Variants in LRP1B observed in about 807,000 individuals in gnomAD.
LRP1B encodes low-density lipoprotein receptor-related protein 1B.
In LRP1B, 217 loss-of-function variants were observed where a neutral mutation model predicts 556.6. The ratio of observed to expected loss-of-function variants is 0.39; its 90% CI spans 0.35 to 0.44. The LOEUF (loss-of-function observed/expected upper bound fraction) is 0.44. Among genes scored for constraint, LRP1B ranks in the 20% least tolerant of loss-of-function variants. LRP1B has a pLI of 1.00. For missense variants in LRP1B, 5,053 were observed against 5,620.8 expected (o/e 0.90, Z 3.23); for synonymous variants, 2,047 against 1,865.8 (o/e 1.10, Z -2.50).
intron 87 of LRP1B, among the ~76,000 whole-genome samples, chr2:140,245,607 C>G (rs1681119105): frequency 6.6e-6 from 1 of 151,246 alleles, no homozygotes; most frequent in African/African-American, 2.4e-5. Flanking sequence ...TTTATTAATG[C>G]TTTTAACGAT....
chr2:140,651,358 G>A (rs1421025001), intron 41 of LRP1B, among the ~76,000 whole-genome samples: 1 of 103,582 alleles, frequency 9.7e-6, no homozygotes, highest in Non-Finnish European at 1.9e-5. Context: ...GTTGTGGGGT[G>A]GGGGGAGGGG....
intron 31 of LRP1B, among the ~76,000 whole-genome samples, chr2:140,831,750 GA>G (rs1691724753): frequency 6.6e-6 from 1 of 152,050 alleles, no homozygotes; most frequent in Non-Finnish European, 1.5e-5. Context: ...CAGAATGGAA[GA>G]AAATATTTAC....
intron 84 of LRP1B, among the ~76,000 whole-genome samples, chr2:140,293,622 T>A (rs970914517): frequency 6.6e-6 from 1 of 152,188 alleles, no homozygotes; most frequent in Non-Finnish European, 1.5e-5. Flanking sequence ...GAGAGAAGAT[T>A]TTGTATATGC....
chr2:141,442,887 C>CAT (rs1276706611), intron 3 of LRP1B, among the ~76,000 whole-genome samples: 1 of 152,118 alleles, frequency 6.6e-6, no homozygotes, highest in African/African-American at 2.4e-5. Context: ...CTGCAATAAA[C>CAT]ATATATATGC....
intron 7 of LRP1B, among the ~76,000 whole-genome samples, chr2:141,095,492 T>TC (rs1005175540): frequency 5.1e-4 from 3 of 5,928 alleles, no homozygotes; most frequent in African/African-American, 8.0e-4. Flanking sequence ...TAGAATTTAA[T>TC]TTTTTTTTTT....
At chr2:140,347,960 T>A (rs565299090) in intron 77 of LRP1B, among the ~76,000 whole-genome samples, 1 of 152,160 alleles carries the variant, frequency 6.6e-6, no homozygotes, top group African/African-American at 2.4e-5. Flanking sequence ...AGTGTTTACA[T>A]GGCAGAGTAA....
intron 41 of LRP1B, among the ~76,000 whole-genome samples, chr2:140,679,934 C>CTTAT (rs577943270): frequency 1.7e-4 from 26 of 151,746 alleles, no homozygotes; most frequent in East Asian, 1.4e-3. Context: ...ATTTAATTTA[C>CTTAT]TTATTTATTT....
At chr2:141,968,545 C>T (rs1005434185) in intron 1 of LRP1B, among the ~76,000 whole-genome samples, 3 of 151,512 alleles carry the variant, frequency 2.0e-5, no homozygotes, top group Non-Finnish European at 3.0e-5. Context: ...TTTATGACTG[C>T]TGTACATGAC....
chr2:140,498,750 A>G (rs1342092957), intron 55 of LRP1B, among the ~76,000 whole-genome samples: 1 of 151,864 alleles, frequency 6.6e-6, no homozygotes, highest in Non-Finnish European at 1.5e-5. Context: ...TCCTATCAAC[A>G]AATTGTCATA....
At chr2:141,789,117 C>T (rs1695522824) in intron 2 of LRP1B, among the ~76,000 whole-genome samples, 1 of 151,966 alleles carries the variant, frequency 6.6e-6, no homozygotes. Context: ...ACACTGACTT[C>T]CACAATGGTT....
intron 3 of LRP1B, among the ~76,000 whole-genome samples, chr2:141,419,896 T>C (rs1158653385): frequency 6.6e-6 from 1 of 150,832 alleles, no homozygotes; most frequent in Admixed American, 6.7e-5. Context: ...AATTTCAACC[T>C]TCTTAAATAT....
At chr2:141,870,788 A>G (rs1165303837) in intron 1 of LRP1B, among the ~76,000 whole-genome samples, 1 of 151,958 alleles carries the variant, frequency 6.6e-6, no homozygotes, top group Non-Finnish European at 1.5e-5. Flanking sequence ...AAATTATATC[A>G]GAATTGTTGC....
intron 3 of LRP1B, among the ~76,000 whole-genome samples, chr2:141,408,970 G>C (rs925381324): frequency 3.9e-5 from 6 of 152,100 alleles, no homozygotes; most frequent in East Asian, 1.9e-4. Flanking sequence ...ATTGCAGCAA[G>C]TTCTATTACA....
At chr2:141,971,993 C>T (rs776020547) in intron 1 of LRP1B, among the ~76,000 whole-genome samples, 2 of 151,492 alleles carry the variant, frequency 1.3e-5, no homozygotes, top group Non-Finnish European at 3.0e-5. Flanking sequence ...CTCATACCAT[C>T]ACCATAAGTA....
intron 15 of LRP1B, among the ~76,000 whole-genome samples, chr2:140,999,151 T>C (rs939245544): frequency 6.6e-6 from 1 of 152,122 alleles, no homozygotes; most frequent in African/African-American, 2.4e-5. Context: ...TACTTTGTGT[T>C]CTTTCTTTGC....
chr2:141,546,351 G>A (rs144976450), intron 2 of LRP1B, among the ~76,000 whole-genome samples: 31 of 152,058 alleles, frequency 2.0e-4, no homozygotes, highest in Admixed American at 1.5e-3. Flanking sequence ...GCTAGTAAGC[G>A]GGCAAGCAGA....
chr2:140,459,798 C>T (rs901877045), intron 60 of LRP1B, among the ~76,000 whole-genome samples: 16 of 151,966 alleles, frequency 1.1e-4, no homozygotes, highest in Non-Finnish European at 1.0e-4. Flanking sequence ...ATCATGGGGG[C>T]GGATTTCTCC....
chr2:140,301,069 A>G (rs1217688432), intron 83 of LRP1B, among the ~76,000 whole-genome samples: 1 of 152,036 alleles, frequency 6.6e-6, no homozygotes, highest in Non-Finnish European at 1.5e-5. Flanking sequence ...ATTTACTTTT[A>G]TGGTAGTGAT....
chr2:141,096,106 G>C (rs1359734970), intron 7 of LRP1B, among the ~76,000 whole-genome samples: 2 of 151,816 alleles, frequency 1.3e-5, no homozygotes, highest in African/African-American at 4.8e-5. Flanking sequence ...TTTAGACTTG[G>C]ATCTTGAACG....
Sources: allele counts gnomAD v4.1 joint callset (sites outside exome capture counted in the v4.1 genomes callset), GRCh38; gene constraint gnomAD v4.1.1; transcripts MANE v1.5; gene names NCBI Gene and HGNC (gene_info 2026-07-23, HGNC 2026-07-21).